Variants in PRRC2C observed in about 807,000 individuals in gnomAD.
PRRC2C encodes the protein proline rich coiled-coil 2C, also known as protein PRRC2C.
In PRRC2C, 72 loss-of-function variants were observed where a neutral mutation model predicts 317.2. That is an observed-to-expected ratio of 0.23 (90% CI 0.19 to 0.28). The LOEUF (loss-of-function observed/expected upper bound fraction) is 0.28, where lower values mean the gene tolerates loss of function less well. Ranked by LOEUF, PRRC2C falls within the 10% of genes least tolerant of loss-of-function variation. PRRC2C has a pLI of 1.00. For missense variants in PRRC2C, 3,074 were observed against 3,459.7 expected (o/e 0.89, Z 2.80); for synonymous variants, 1,296 against 1,205.9 (o/e 1.07, Z -1.55).
chr1:171,581,228 T>C (rs1430420170), intron 28 of PRRC2C, among the ~76,000 whole-genome samples: 5 of 152,180 alleles, frequency 3.3e-5, no homozygotes, highest in African/African-American at 9.7e-5. Flanking sequence ...GAATTTGGGA[T>C]TATCTTGGAA....
rs183161632 is a variant in PRRC2C, at chr1:171,500,006, G to A, written c.-57-12026G>A. Among the ~76,000 whole-genome samples, 585 of 152,252 alleles carry A rather than the reference G, an allele frequency of 3.8e-3. 3 individuals are homozygous for A. Among genetic ancestry groups the A allele is most frequent in the African/African-American group, 0.013 (534 of 41,532 alleles). ...ACAAATGTTCTGTAAAACACTTGTAGAGTATACTTCTCTGGAAATTGTTGT... is the reference window on the plus strand; with the variant it reads ...ACAAATGTTCTGTAAAACACTTGTAAAGTATACTTCTCTGGAAATTGTTGT... On this transcript the variant is annotated intron_variant, in intron 1 of 34. Transcript: ENST00000647382.
At chr1:171,512,918 G>C in intron 2 of PRRC2C, 77 bp from the exon 3 acceptor site, 1 of 1,324,764 alleles carries the variant, frequency 7.5e-7, no homozygotes, top group South Asian at 1.7e-5. Context: ...AATTCCTATT[G>C]TTTTTCTATA....
intron 16 of PRRC2C, 41 bp from the exon 17 acceptor site, chr1:171,545,438 G>A: frequency 6.7e-7 from 1 of 1,503,692 alleles, no homozygotes; most frequent in Non-Finnish European, 9.0e-7. Flanking sequence ...CTTTTGTTTG[G>A]GTAGGTGGAA....
At chr1:171,539,095 G>A (rs568385101) in intron 15 of PRRC2C, among the ~76,000 whole-genome samples, 2 of 151,836 alleles carry the variant, frequency 1.3e-5, no homozygotes, top group South Asian at 2.1e-4. Context: ...TCCGCCTCCC[G>A]GGTTCAAGCG....
chr1:171,577,473 C>G lies in PRRC2C; in HGVS notation c.6995C>G (p.Ser2332Cys). Residue 2332 changes from serine (S) to cysteine (C), a missense_variant, in exon 26 of 35, where the codon TCT becomes TGT. Ser to Cys is a moderately radical substitution (Grantham distance 112). Around this residue, in one of 11 missense-constraint regions of PRRC2C, gnomAD observed 490 missense variants for 663.1 expected, o/e 0.74. Coordinates refer to ENST00000647382, the MANE Select transcript of PRRC2C (RefSeq NM_001387844.1). ...TYTTSSLSTK[S>C]TTTSDPPNIC... ...ACTACCTCTTCTTTGAGCACAAAAT[C>G]TACAACCACATCGGACCCTCCAAAT... 6.2e-7 allele frequency: 1 copy of G among 1,612,832 alleles called. No individual in the cohort carries two copies. Among genetic ancestry groups the G allele is most frequent in the Non-Finnish European group, 8.5e-7 (1 of 1,179,016 alleles).
At chr1:171,586,042 G>A (rs1295272452) in intron 30 of PRRC2C, among the ~76,000 whole-genome samples, 2 of 148,992 alleles carry the variant, frequency 1.3e-5, no homozygotes, top group South Asian at 2.1e-4. Flanking sequence ...CGACTGATCC[G>A]TCGCAGGAGG....
At chr1:171,579,778 T>G (rs376442706) in intron 27 of PRRC2C, 50 bp from the exon 28 acceptor site, 1 of 1,481,030 alleles carries the variant, frequency 6.8e-7, no homozygotes, top group Middle Eastern at 1.8e-4. Context: ...TAATGATTTA[T>G]CTGTATGATG....
chr1:171,490,335 T>A (rs2102021620), intron 1 of PRRC2C, among the ~76,000 whole-genome samples: 1 of 152,318 alleles, frequency 6.6e-6, no homozygotes, highest in East Asian at 1.9e-4. Flanking sequence ...ATACTACCAG[T>A]CTTTGTATTC....
At chr1:171,514,706 G>A in intron 4 of PRRC2C, 61 bp downstream of exon 4, 1 of 1,337,802 alleles carries the variant, frequency 7.5e-7, no homozygotes, top group South Asian at 1.3e-5. Context: ...AGCCATGCAG[G>A]AGATAAGGGG....
At chr1:171,554,355 C>CT (rs1680916983) in intron 18 of PRRC2C, among the ~76,000 whole-genome samples, 1 of 152,106 alleles carries the variant, frequency 6.6e-6, no homozygotes, top group African/African-American at 2.4e-5. Flanking sequence ...TTGAGCCTAT[C>CT]TCTGTCTCTG....
At chr1:171,486,606 T>C (rs920135986) in intron 1 of PRRC2C, among the ~76,000 whole-genome samples, 1 of 152,220 alleles carries the variant, frequency 6.6e-6, no homozygotes, top group Non-Finnish European at 1.5e-5. Flanking sequence ...GCCTGATGTT[T>C]GCTGGCTTAT....
chr1:171,542,294 G>C (rs1678078335), intron 16 of PRRC2C, 65 bp downstream of exon 16: 2 of 1,353,792 alleles, frequency 1.5e-6, no homozygotes, highest in Admixed American at 2.9e-5. Context: ...TAGAGTTCTT[G>C]GTTGAATTAT....
intron 16 of PRRC2C, among the ~76,000 whole-genome samples, chr1:171,542,755 G>T (rs972713974): frequency 3.3e-5 from 5 of 151,998 alleles, no homozygotes; most frequent in Admixed American, 2.6e-4. Context: ...AGCTAAACTT[G>T]GCCTGTTTTT....
intron 18 of PRRC2C, among the ~76,000 whole-genome samples, 175 bp downstream of exon 18, chr1:171,550,415 T>C (rs1679962011): frequency 6.6e-6 from 1 of 151,842 alleles, no homozygotes; most frequent in African/African-American, 2.4e-5. Flanking sequence ...AAATTTTAAA[T>C]AAAATATAAG....
Position 171,584,434 on chromosome 1 carries a change from A to G in PRRC2C, c.7657A>G (p.Thr2553Ala), listed in dbSNP as rs377272731. 6.3e-7 allele frequency: 1 copy of G among 1,578,214 alleles called. No homozygotes were observed. Among genetic ancestry groups the G allele is most frequent in the Non-Finnish European group, 8.6e-7 (1 of 1,162,714 alleles). The part of the protein sequence containing the change: ...THLLQARANL[T>A]QASNLYSGQV... ...TTTTTTCTAGGCCAGAGCAAATCTT[A>G]CCCAGGCCTCAAATCTTTATTCTGG... Residue 2553 changes from threonine to alanine, a missense_variant, in exon 30 of 35, where the codon ACC (threonine) becomes GCC (alanine). By Grantham distance (58) the Thr-to-Ala change is moderately conservative. Around this residue, in one of 11 missense-constraint regions of PRRC2C, gnomAD observed 490 missense variants for 663.1 expected, o/e 0.74. Transcript: ENST00000647382.
intron 11 of PRRC2C, among the ~76,000 whole-genome samples, chr1:171,528,845 T>A (rs1369350775): frequency 6.6e-6 from 1 of 152,122 alleles, no homozygotes; most frequent in African/African-American, 2.4e-5. Flanking sequence ...AGGGTCTTGC[T>A]TTGTGGCCCA....
Position 171,566,817 on chromosome 1 carries a change from T to C in PRRC2C, c.6532T>C (p.Ser2178Pro). Reference protein sequence around the residue: ...TEIGTMISVSSAEYGTNAKES... With the variant: ...TEIGTMISVSPAEYGTNAKES... Reference sequence around the variant, plus strand: ...AATAGGAACAATGATCTCGGTATCATCTGCAGAATATGGTACTAATGCAAA... The same window carrying C: ...AATAGGAACAATGATCTCGGTATCACCTGCAGAATATGGTACTAATGCAAA... The change falls in exon 22 of 35, where the codon TCT (serine) becomes CCT (proline). Residue 2178 changes from serine (S) to proline (P), a missense_variant. Coordinates refer to ENST00000647382, the MANE Select transcript of PRRC2C (RefSeq NM_001387844.1). 1 of 1,613,494 alleles carries C rather than the reference T, an allele frequency of 6.2e-7. No individual in the cohort carries two copies. Among genetic ancestry groups the C allele is most frequent in the Non-Finnish European group, 8.5e-7 (1 of 1,179,814 alleles).
rs1000627722 is a variant in PRRC2C, at chr1:171,545,713, A to AT, written c.4972+29dup. On this transcript the variant is annotated intron_variant, in intron 17 of 34. Coordinates refer to ENST00000647382, the MANE Select transcript of PRRC2C (RefSeq NM_001387844.1). Reference sequence around the variant, plus strand: ...GTATGTCTTAGGTTTCTTTCATTTTATTTATTTATTTATTTATTTATTTAT... The same window carrying AT: ...GTATGTCTTAGGTTTCTTTCATTTTATTTTATTTATTTATTTATTTATTTAT... The AT allele has an allele frequency of 9.2e-6, 6 of 651,278 alleles. No homozygotes were observed. The Admixed American group carries it at 2.5e-4, about 27-fold the overall frequency. 40.3% of individuals were successfully genotyped at this position (651,278 alleles called of 1,614,324 possible). A position where few individuals can be genotyped will look rare whatever the true frequency, so the allele number is the denominator to read the frequency against.
At chr1:171,528,621 T>G (rs1675178193) in intron 11 of PRRC2C, among the ~76,000 whole-genome samples, 1 of 152,128 alleles carries the variant, frequency 6.6e-6, no homozygotes, top group Admixed American at 6.5e-5. Flanking sequence ...CTATTTATAC[T>G]TACCGTCTTT....
Sources: allele counts gnomAD v4.1 joint callset (sites outside exome capture counted in the v4.1 genomes callset), GRCh38; gene constraint gnomAD v4.1.1; regional missense constraint gnomAD v4.1.1; transcripts MANE v1.5; gene names NCBI Gene and HGNC (gene_info 2026-07-23, HGNC 2026-07-21).